Variants in LARGE1 observed in about 807,000 individuals in gnomAD.
The protein encoded by LARGE1 is LARGE xylosyl- and glucuronyltransferase 1.
Under a neutral mutation model 87.6 loss-of-function variants are expected in LARGE1, and 43 were observed. The observed-to-expected ratio is 0.49, with a 90% confidence interval of 0.38 to 0.63. The LOEUF is 0.63. LARGE1 is among the 30% of genes least tolerant of loss of function. LARGE1 has a pLI of 0.00. For synonymous variants in LARGE1, 434 were observed against 394.6 expected (o/e 1.10, Z -1.18); for missense variants, 802 against 1,000.2 (o/e 0.80, Z 2.67).
intron 9 of LARGE1, among the ~76,000 whole-genome samples, chr22:33,338,262 G>A (rs552668484): frequency 6.6e-6 from 1 of 152,240 alleles, no homozygotes; most frequent in South Asian, 2.1e-4. Flanking sequence ...CTGTCCCTGT[G>A]GGCATCACCC....
intron 10 of LARGE1, among the ~76,000 whole-genome samples, chr22:33,317,069 C>G (rs962113742): frequency 4.0e-5 from 6 of 151,870 alleles, no homozygotes; most frequent in Non-Finnish European, 8.8e-5. Context: ...CAAAAATTAG[C>G]CGGGCATGGT....
chr22:33,205,478 A>G (rs924444298), intron 11 of LARGE1, among the ~76,000 whole-genome samples: 2 of 152,240 alleles, frequency 1.3e-5, no homozygotes, highest in Non-Finnish European at 2.9e-5. Flanking sequence ...TAAATAGCAC[A>G]TAAACAAATA....
At chr22:33,885,901 G>A (rs1002554090) in intron 1 of LARGE1, among the ~76,000 whole-genome samples, 5 of 152,034 alleles carry the variant, frequency 3.3e-5, no homozygotes, top group South Asian at 2.1e-4. Flanking sequence ...GCGTGGTGGC[G>A]TTCCTATAAT....
chr22:33,721,057 A>C (rs1480731685), intron 2 of LARGE1, among the ~76,000 whole-genome samples: 1 of 152,246 alleles, frequency 6.6e-6, no homozygotes, highest in Non-Finnish European at 1.5e-5. Context: ...TTGATGGAAA[A>C]CAAAGAAATG....
chr22:33,693,222 A>G (rs1395158976), intron 2 of LARGE1, among the ~76,000 whole-genome samples: 2 of 152,214 alleles, frequency 1.3e-5, no homozygotes, highest in African/African-American at 2.4e-5. Flanking sequence ...AAAGAGCAGT[A>G]CAGTGGACAC....
intron 6 of LARGE1, among the ~76,000 whole-genome samples, chr22:33,462,509 G>A (rs547995743): frequency 7.9e-5 from 12 of 152,274 alleles, no homozygotes; most frequent in Admixed American, 2.0e-4. Context: ...GAGGCTGGGC[G>A]TGGTGGCTCA....
chr22:33,292,456 C>T (rs897443570), intron 12 of LARGE1, among the ~76,000 whole-genome samples: 1 of 152,096 alleles, frequency 6.6e-6, no homozygotes, highest in African/African-American at 2.4e-5. Context: ...GGGGCAACCT[C>T]AAGCAGCTGC....
intron 2 of LARGE1, among the ~76,000 whole-genome samples, chr22:33,738,362 A>C (rs984789320): frequency 1.3e-5 from 2 of 152,132 alleles, no homozygotes; most frequent in African/African-American, 4.8e-5. Context: ...GTTATTTGAG[A>C]TTCTTCATTG....
At chr22:33,713,976 C>CGT (rs761105273) in intron 2 of LARGE1, among the ~76,000 whole-genome samples, 40 of 102,318 alleles carry the variant, frequency 3.9e-4, no homozygotes, top group South Asian at 9.0e-4. Context: ...AATAACGTAA[C>CGT]ATAACGTAAC....
intron 1 of LARGE1, among the ~76,000 whole-genome samples, chr22:33,797,736 A>G (rs576734819): frequency 6.6e-6 from 1 of 152,348 alleles, no homozygotes; most frequent in South Asian, 2.1e-4. Flanking sequence ...AAAGGCACAA[A>G]GGCATCCTAA....
intron 2 of LARGE1, among the ~76,000 whole-genome samples, chr22:33,719,974 T>G (rs2083045970): frequency 6.6e-6 from 1 of 152,230 alleles, no homozygotes; most frequent in South Asian, 2.1e-4. Flanking sequence ...CCAGCCTTTT[T>G]GGTACCAGGT....
chr22:33,158,223 G>A (rs990862056), downstream of LARGE1, among the ~76,000 whole-genome samples: 2 of 152,122 alleles, frequency 1.3e-5, no homozygotes, highest in African/African-American at 4.8e-5. Context: ...AGTTGAAAAT[G>A]TATATTCTAT....
intron 12 of LARGE1, among the ~76,000 whole-genome samples, chr22:33,298,854 GAAGAAAGAAAAGAAAA>G (rs1933732918): frequency 6.7e-6 from 1 of 150,046 alleles, no homozygotes; most frequent in South Asian, 2.1e-4. Context: ...AGGAAAGAAA[GAAGAAAGAAAAGAAAA>G]AAGAAAAGAA....
chr22:33,489,946 T>C (rs1602084299), intron 6 of LARGE1, among the ~76,000 whole-genome samples: 1 of 152,156 alleles, frequency 6.6e-6, no homozygotes, highest in East Asian at 1.9e-4. Flanking sequence ...AGGGTGCCTG[T>C]CCCAGGGAAG....
chr22:33,201,979 T>C (rs1451852320), intron 11 of LARGE1, among the ~76,000 whole-genome samples: 1 of 151,446 alleles, frequency 6.6e-6, no homozygotes, highest in East Asian at 1.9e-4. Context: ...CTACTAAAAA[T>C]ACAAAAATTA....
Position 33,237,564 on chromosome 22 carries a change from G to A in LARGE1, c.1730+66665C>T, listed in dbSNP as rs535880818. 3.9e-5 allele frequency among the ~76,000 whole-genome samples: 6 copies of A among 152,012 alleles called. No homozygotes were observed. The South Asian group carries it at 1.0e-3, about 26-fold the overall frequency. On this transcript the variant is annotated intron_variant, in intron 11 of 11. Coordinates refer to the LARGE1 transcript ENST00000608642. ...AAAGAACTATAAGTATATTTAAAAT[G>A]AACAAAGTAATAAGAAATAGAAATA...
At chr22:33,486,468 G>A (rs888758078) in intron 6 of LARGE1, among the ~76,000 whole-genome samples, 5 of 152,094 alleles carry the variant, frequency 3.3e-5, no homozygotes, top group African/African-American at 1.2e-4. Context: ...ATCAAGCATG[G>A]AAAGCACCTA....
At chr22:33,832,311 C>G (rs1225871718) in intron 1 of LARGE1, among the ~76,000 whole-genome samples, 1 of 152,166 alleles carries the variant, frequency 6.6e-6, no homozygotes, top group Non-Finnish European at 1.5e-5. Context: ...AAGTCCCAGA[C>G]AGCAAAGCCC....
chr22:33,329,514 T>G (rs1937515425), intron 10 of LARGE1, among the ~76,000 whole-genome samples: 1 of 152,028 alleles, frequency 6.6e-6, no homozygotes, highest in Non-Finnish European at 1.5e-5. Context: ...CTGAAGCTGA[T>G]AAGCAGAAAG....
Sources: gnomAD v4.1 joint callset for allele counts (sites outside exome capture counted in the v4.1 genomes callset) on GRCh38, gnomAD v4.1.1 for gene constraint, MANE v1.5 for transcripts, NCBI Gene and HGNC (gene_info 2026-07-23, HGNC 2026-07-21) for gene names.